Variants in RALGAPA2 observed in about 807,000 individuals in gnomAD.
The protein encoded by RALGAPA2 is ral GTPase-activating protein subunit alpha-2.
RALGAPA2 carries 139 observed loss-of-function variants against 230.4 expected under a neutral mutation model. The observed-to-expected ratio is 0.60, with a 90% CI of 0.53 to 0.69. The LOEUF (loss-of-function observed/expected upper bound fraction) is 0.69, where lower values mean the gene tolerates loss of function less well. Among genes scored for constraint, RALGAPA2 ranks in the 30% least tolerant of loss-of-function variants. The pLI, the probability that RALGAPA2 is intolerant of heterozygous loss-of-function variation, is 0.00. For synonymous variants in RALGAPA2, 847 were observed against 837.8 expected (o/e 1.01, Z -0.19); for missense variants, 2,163 against 2,276.0 (o/e 0.95, Z 1.01).
chr20:20,593,052 G>A (rs550714159), intron 16 of RALGAPA2, among the ~76,000 whole-genome samples: 1 of 152,174 alleles, frequency 6.6e-6, no homozygotes, highest in Admixed American at 6.5e-5. Context: ...TGAGTACCTG[G>A]GAGTTCTGGT....
At chr20:20,610,229 AAT>A (rs1344022398) in intron 14 of RALGAPA2, among the ~76,000 whole-genome samples, 1 of 152,202 alleles carries the variant, frequency 6.6e-6, no homozygotes, top group African/African-American at 2.4e-5. Flanking sequence ...CCACTGTACT[AAT>A]ATCTTTATTT....
At chr20:20,400,964 G>A (rs890129178) in intron 38 of RALGAPA2, among the ~76,000 whole-genome samples, 1 of 152,216 alleles carries the variant, frequency 6.6e-6, no homozygotes, top group Non-Finnish European at 1.5e-5. Flanking sequence ...TATATGAAAT[G>A]TCCAGAATGG....
intron 4 of RALGAPA2, among the ~76,000 whole-genome samples, chr20:20,648,800 G>A (rs1311770942): frequency 6.6e-6 from 1 of 152,136 alleles, no homozygotes; most frequent in Non-Finnish European, 1.5e-5. Context: ...GCATGTAAAA[G>A]GGACAGAGGT....
Position 20,635,494 on chromosome 20 carries a change from A to T in RALGAPA2, c.929T>A (p.Phe310Tyr). Residue 310 changes from phenylalanine to tyrosine, a missense_variant, in exon 9 of 40, where the codon TTC (phenylalanine) becomes TAC (tyrosine). Physicochemically the swap from Phe to Tyr is conservative, Grantham distance 22 (BLOSUM62 3). Transcript: ENST00000202677. Reference protein sequence around the residue: ...RVVFIKWIVTFFLEKKYLTAT... With the variant: ...RVVFIKWIVTYFLEKKYLTAT... ...AGTTAGATACTTTTTTTCCAAAAAG[A>T]AGGTTACAATCCACTTAATAAAAAC... 6.2e-7 allele frequency: 1 copy of T among 1,601,740 alleles called. No individual in the cohort carries two copies. The highest frequency in any genetic ancestry group is 1.1e-5 in the South Asian group (1 of 88,444).
intron 36 of RALGAPA2, among the ~76,000 whole-genome samples, chr20:20,478,168 T>C (rs1168243548): frequency 6.6e-6 from 1 of 152,214 alleles, no homozygotes; most frequent in Non-Finnish European, 1.5e-5. Context: ...AAATAACTCA[T>C]GGGTCAACAA....
intron 14 of RALGAPA2, among the ~76,000 whole-genome samples, chr20:20,605,659 G>A (rs1255587915): frequency 5.9e-5 from 9 of 152,018 alleles, no homozygotes. Context: ...TCTGCAGCTG[G>A]CCCTGGCTAT....
chr20:20,663,265 G>A (rs759810826), intron 3 of RALGAPA2, among the ~76,000 whole-genome samples: 1 of 152,172 alleles, frequency 6.6e-6, no homozygotes, highest in Non-Finnish European at 1.5e-5. Context: ...GAGCCACAGA[G>A]TGAAGAAAAA....
chr20:20,517,863 A>C (rs1468584911), intron 31 of RALGAPA2, among the ~76,000 whole-genome samples: 1 of 152,178 alleles, frequency 6.6e-6, no homozygotes, highest in Admixed American at 6.5e-5. Context: ...AACAATTTGA[A>C]GAAACAGTCT....
intron 23 of RALGAPA2, among the ~76,000 whole-genome samples, chr20:20,555,326 C>T (rs2064051888): frequency 1.3e-5 from 2 of 152,208 alleles, no homozygotes; most frequent in Non-Finnish European, 1.5e-5. Flanking sequence ...ATTACTCTAG[C>T]TTTTTAGGAA....
intron 13 of RALGAPA2, among the ~76,000 whole-genome samples, chr20:20,612,410 C>T (rs1032932787): frequency 6.6e-6 from 1 of 152,172 alleles, no homozygotes; most frequent in African/African-American, 2.4e-5. Flanking sequence ...GAGAATAGGA[C>T]AAAGTAATCA....
Position 20,601,798 on chromosome 20 carries a change from G to C in RALGAPA2, c.2087C>G (p.Ser696Cys), listed in dbSNP as rs1422573103. The C allele has an allele frequency of 1.2e-6, 2 of 1,613,398 alleles. No individual in the cohort carries two copies. Among genetic ancestry groups the C allele is most frequent in the Non-Finnish European group, 1.7e-6 (2 of 1,179,628 alleles). ...ATCTGGGTGGCTCCGCCAGCTGAGA[G>C]AAAAGGACCTCCCCACGGTGGTTCC... ...QKGTTVGRSFSLSWRSHPDVT... is the reference protein window; with the variant it reads ...QKGTTVGRSFCLSWRSHPDVT... The change falls in exon 16 of 40, where the codon TCT becomes TGT. Residue 696 changes from serine to cysteine, a missense_variant. By Grantham distance (112) the Ser-to-Cys change is moderately radical. Transcript: ENST00000202677.
intron 23 of RALGAPA2, 94 bp from the exon 24 acceptor site, chr20:20,546,926 A>T: frequency 7.9e-7 from 1 of 1,263,366 alleles, no homozygotes; most frequent in South Asian, 2.1e-5. Flanking sequence ...ACTGTATAAT[A>T]ATCCAAGAGA....
At chr20:20,570,536 T>C (rs1370335645) in intron 23 of RALGAPA2, among the ~76,000 whole-genome samples, 1 of 152,206 alleles carries the variant, frequency 6.6e-6, no homozygotes, top group Non-Finnish European at 1.5e-5. Flanking sequence ...TACCTCTATA[T>C]TGGTTAAGAA....
At chr20:20,645,106 C>CTTTTTTT (rs71198064) in intron 4 of RALGAPA2, among the ~76,000 whole-genome samples, 2 of 59,462 alleles carry the variant, frequency 3.4e-5, no homozygotes, top group Admixed American at 2.3e-4. Flanking sequence ...GGTGGTGGTG[C>CTTTTTTT]TTTTTTTTTT....
intron 10 of RALGAPA2, among the ~76,000 whole-genome samples, chr20:20,623,179 G>A (rs547527653): frequency 6.6e-6 from 1 of 152,136 alleles, no homozygotes; most frequent in Non-Finnish European, 1.5e-5. Flanking sequence ...GACAAAGATT[G>A]TAAGATTTAA....
chr20:20,535,942 G>A, intron 25 of RALGAPA2, 139 bp from the exon 26 acceptor site: 1 of 1,338,452 alleles, frequency 7.5e-7, no homozygotes, highest in Non-Finnish European at 9.7e-7. Flanking sequence ...GTGAGAGCCT[G>A]GGGGGAAGAA....
intron 4 of RALGAPA2, among the ~76,000 whole-genome samples, chr20:20,651,843 C>T (rs1266638421): frequency 1.3e-5 from 2 of 152,156 alleles, no homozygotes; most frequent in Non-Finnish European, 2.9e-5. Context: ...ATACTGCATG[C>T]AGTTATTTCT....
intron 30 of RALGAPA2, among the ~76,000 whole-genome samples, chr20:20,523,714 AC>A (rs543492579): frequency 6.8e-4 from 104 of 152,214 alleles, no homozygotes; most frequent in Non-Finnish European, 1.2e-3. Context: ...ATATGTATCA[AC>A]AAAAATAAAT....
intron 37 of RALGAPA2, among the ~76,000 whole-genome samples, chr20:20,453,988 G>A (rs974712518): frequency 5.3e-5 from 8 of 152,158 alleles, no homozygotes; most frequent in Non-Finnish European, 1.2e-4. Context: ...ATCATCTCCA[G>A]CAAGAAATGC....
Sources: allele counts gnomAD v4.1 joint callset (sites outside exome capture counted in the v4.1 genomes callset), GRCh38; gene constraint gnomAD v4.1.1; transcripts MANE v1.5; gene names NCBI Gene and HGNC (gene_info 2026-07-23, HGNC 2026-07-21).